The following SP7 variants were observed in gnomAD, a reference collection of about 807,000 sequenced individuals.
The protein encoded by SP7 is Sp7 transcription factor.
Under a neutral mutation model 27.9 loss-of-function variants are expected in SP7, and 13 were observed. The ratio of observed to expected loss-of-function variants is 0.47; its 90% CI spans 0.30 to 0.74. The LOEUF (loss-of-function observed/expected upper bound fraction) is 0.74. Ranked by LOEUF, SP7 falls within the 30% of genes least tolerant of loss-of-function variation. The pLI, the probability that SP7 is intolerant of heterozygous loss-of-function variation, is 0.06. For missense variants in SP7, 525 were observed against 558.0 expected, an observed-to-expected ratio of 0.94 and a Z score of 0.60; for synonymous variants, 219 against 226.7, an observed-to-expected ratio of 0.97 and a Z score of 0.31.
intron 2 of SP7, among the ~76,000 whole-genome samples, chr12:53,329,894 G>A (rs1375428706): frequency 6.6e-6 from 1 of 151,770 alleles, no homozygotes; most frequent in Non-Finnish European, 1.5e-5. Context: ...ACCACACCTG[G>A]CTAATTTTTT....
intron 1 of SP7, among the ~76,000 whole-genome samples, chr12:53,341,528 C>A (rs1291684230): frequency 6.6e-6 from 1 of 152,132 alleles, no homozygotes; most frequent in Non-Finnish European, 1.5e-5. Context: ...AAAAACGATA[C>A]CCTAGAATCT....
intron 2 of SP7, 41 bp downstream of exon 2, chr12:53,335,585 A>C: frequency 9.8e-7 from 1 of 1,016,150 alleles, no homozygotes; most frequent in Non-Finnish European, 1.5e-6. Context: ...AGGACCATTA[A>C]GGTTGTGGCT....
chr12:53,335,853 G>C (rs1000254718), intron 1 of SP7, 160 bp from the exon 2 acceptor site: 12 of 1,405,176 alleles, frequency 8.5e-6, no homozygotes, highest in Admixed American at 2.9e-5. Flanking sequence ...AGCGGAGAAG[G>C]CTCCAGATCC....
At chr12:53,335,893 G>T in intron 1 of SP7, 200 bp from the exon 2 acceptor site, 1 of 1,258,104 alleles carries the variant, frequency 7.9e-7, no homozygotes, top group South Asian at 2.0e-5. Flanking sequence ...GGAGGCAGAG[G>T]GTCCAAATTT....
rs1944848895 is a variant in SP7, at chr12:53,344,718, C to T, written c.-34+396G>A. Among the ~76,000 whole-genome samples, 1 of 152,108 alleles carries T rather than the reference C, an allele frequency of 6.6e-6. No individual in the cohort carries two copies. Among genetic ancestry groups the T allele is most frequent in the Admixed American group, 6.5e-5 (1 of 15,282 alleles). ...GAAGGACAGGACAGGTCGTGAGCTCCGGGGCTGCTGGGAGGTCTCTTGCGG... is the reference window on the plus strand; with the variant it reads ...GAAGGACAGGACAGGTCGTGAGCTCTGGGGCTGCTGGGAGGTCTCTTGCGG... On this transcript the variant is annotated intron_variant, in intron 1 of 1. Coordinates refer to the SP7 transcript ENST00000547755. This position sits in a 1 kb window ranked among gnomAD's most constrained non-coding sequence, Gnocchi z 4.6.
rs4759061 is a variant in SP7, at chr12:53,344,430, C to T, written c.-34+684G>A. On this transcript the variant is annotated intron_variant, in intron 1 of 1. Transcript: ENST00000547755. This position sits in a 1 kb window ranked among gnomAD's most constrained non-coding sequence, Gnocchi z 4.6. ...CCATCACCTCCCCTACATAGGAACC[C>T]GCTGTAAGTTATAAGCCTACCTAGG... Among the ~76,000 whole-genome samples, 29,264 of 151,942 alleles carry T rather than the reference C, an allele frequency of 0.19. 3,788 individuals carry two copies. Among genetic ancestry groups the T allele is most frequent in the Non-Finnish European group, 0.29 (19,376 of 67,924 alleles).
intron 2 of SP7, among the ~76,000 whole-genome samples, chr12:53,329,841 C>A (rs554400706): frequency 6.6e-6 from 1 of 152,100 alleles, no homozygotes; most frequent in South Asian, 2.1e-4. Flanking sequence ...AAGAGATTCC[C>A]CTGCCTCAGC....
Position 53,328,916 on chromosome 12 carries a change from C to T in SP7, c.526G>A (p.Asp176Asn), listed in dbSNP as rs1944668590. The change falls in exon 3 of 3, where the codon GAT becomes AAT. Residue 176 changes from aspartate (D) to asparagine (N), a missense_variant. Physicochemically the swap from Asp to Asn is conservative, Grantham distance 23. Transcript: ENST00000536324. This position sits in a 1 kb window ranked among gnomAD's most constrained non-coding sequence, Gnocchi z 5.1. ...GTGGGCAGTGTCCCTTGCAGCCCATCACCCTGGCCCTGCCCACCACCTAGC... is the reference window on the plus strand; with the variant it reads ...GTGGGCAGTGTCCCTTGCAGCCCATTACCCTGGCCCTGCCCACCACCTAGC... ...NWLGGGQGQG[D>N]GLQGTLPTGP... The T allele has an allele frequency of 6.2e-7, 1 of 1,611,880 alleles. No individual in the cohort carries two copies. Among genetic ancestry groups the T allele is most frequent in the Non-Finnish European group, 8.5e-7 (1 of 1,178,954 alleles).
chr12:53,342,304 C>T (rs1434261571), intron 1 of SP7, among the ~76,000 whole-genome samples: 1 of 151,978 alleles, frequency 6.6e-6, no homozygotes, highest in Non-Finnish European at 1.5e-5. Flanking sequence ...CCCGCTTTCT[C>T]TGGCCTGCTG....
chr12:53,327,975 G>C lies in SP7; in HGVS notation c.*171C>G. The stretch of plus-strand genomic sequence containing the variant: ...TCATGGTGAAGAGAGAAGGTGAGCT[G>C]AGGAGGCATGCAAGGAGATACCCAA... On this transcript the variant is annotated 3_prime_UTR_variant, in exon 3 of 3. Coordinates refer to ENST00000536324, the MANE Select transcript of SP7 (RefSeq NM_001173467.3). 6.4e-6 allele frequency: 4 copies of C among 627,294 alleles called. No individual in the cohort carries two copies. Among genetic ancestry groups the C allele is most frequent in the Non-Finnish European group, 1.1e-5 (4 of 370,144 alleles). 38.9% of individuals were successfully genotyped at this position (627,294 alleles called of 1,614,324 possible).
chr12:53,328,321 C>G lies in SP7; in HGVS notation c.1121G>C (p.Arg374Pro). The G allele has an allele frequency of 6.2e-7, 1 of 1,610,908 alleles. No homozygotes were observed. The highest frequency in any genetic ancestry group is 8.5e-7 in the Non-Finnish European group (1 of 1,177,984). ...ACCCGGGCCTGGTTCTCCATGGGTGCGCTGGTGTTTGCTCAGGTGGTCGCT... is the reference window on the plus strand; with the variant it reads ...ACCCGGGCCTGGTTCTCCATGGGTGGGCTGGTGTTTGCTCAGGTGGTCGCT... ...TRSDHLSKHQ[R>P]THGEPGPGPP... is the part of the protein sequence containing the mutation. The change falls in exon 3 of 3, where the codon CGC (arginine) becomes CCC (proline). Residue 374 changes from arginine to proline, a missense_variant. Transcript: ENST00000536324. This position sits in a 1 kb window ranked among gnomAD's most constrained non-coding sequence, Gnocchi z 5.1.
At chr12:53,338,680 C>A (rs1474316660), upstream of SP7, among the ~76,000 whole-genome samples, 1 of 152,062 alleles carries the variant, frequency 6.6e-6, no homozygotes, top group Non-Finnish European at 1.5e-5. Flanking sequence ...CTATTCGAAC[C>A]CTACTATTCT....
chr12:53,339,744 AG>A (rs1944806396), upstream of SP7, among the ~76,000 whole-genome samples: 1 of 147,930 alleles, frequency 6.8e-6, no homozygotes, highest in Non-Finnish European at 1.5e-5. Context: ...AAAAAAAGAA[AG>A]AAAAAAAAAA....
intron 1 of SP7, 160 bp from the exon 2 acceptor site, chr12:53,335,853 G>T (rs1000254718): frequency 4.4e-5 from 62 of 1,405,174 alleles, no homozygotes; most frequent in East Asian, 2.0e-4. Context: ...AGCGGAGAAG[G>T]CTCCAGATCC....
intron 2 of SP7, among the ~76,000 whole-genome samples, chr12:53,335,294 G>A (rs1355437907): frequency 2.7e-5 from 2 of 75,306 alleles, no homozygotes; most frequent in African/African-American, 1.1e-4. Flanking sequence ...ACTCCCCCTC[G>A]CCCCCCTCCC....
chr12:53,330,343 G>A (rs145539675), intron 2 of SP7, among the ~76,000 whole-genome samples: 200 of 152,210 alleles, frequency 1.3e-3, no homozygotes, highest in African/African-American at 4.6e-3. Context: ...GTGAGCCACC[G>A]CACCCAGCCA....
rs774769884 is a variant in SP7, at chr12:53,328,269, C to T, written c.1173G>A (p.Leu391=). The T allele has an allele frequency of 6.2e-7, 1 of 1,611,568 alleles. No homozygotes were observed. The highest frequency in any genetic ancestry group is 1.7e-5 in the Admixed American group (1 of 59,760). Residue 391 remains leucine (L), a synonymous_variant, in exon 3 of 3, where the codon CTG becomes CTA. Coordinates refer to ENST00000536324, the MANE Select transcript of SP7 (RefSeq NM_001173467.3). This position sits in a 1 kb window ranked among gnomAD's most constrained non-coding sequence, Gnocchi z 5.1. ...PGPPPSGPKE[L]GEGRSTGEEE... ...CTTCCCCCGTGCTGCGGCCCTCCCC[C>T]AGCTCCTTGGGGCCACTGGGAGGGG...
rs1484634206 is a variant in SP7 at position 53,328,039 on chromosome 12, C to T, written c.*107G>A. 1 of 1,211,482 alleles carries T rather than the reference C, an allele frequency of 8.3e-7. No individual in the cohort carries two copies. Among genetic ancestry groups the T allele is most frequent in the Non-Finnish European group, 1.1e-6 (1 of 889,418 alleles). The allele number at this position is 1,211,482 out of a possible 1,614,324, so 75.0% of individuals were successfully genotyped here. ...AGGAGGGAGACAGAGGGAGAGAGCC[C>T]CGAAGGATGGCATGCATGGGGTAAA... On this transcript the variant is annotated 3_prime_UTR_variant, in exon 3 of 3. Transcript: ENST00000536324. This position sits in a 1 kb window ranked among gnomAD's most constrained non-coding sequence, Gnocchi z 5.1.
chr12:53,329,379 C>T lies in SP7; in HGVS notation c.63G>A (p.Thr21=), dbSNP rs542641721. The T allele has an allele frequency of 2.9e-5, 47 of 1,613,966 alleles. No individual in the cohort carries two copies. Among genetic ancestry groups the T allele is most frequent in the South Asian group, 5.5e-5 (5 of 91,070 alleles). Residue 21 remains threonine, a synonymous_variant, in exon 3 of 3, where the codon ACG becomes ACA. Coordinates refer to ENST00000536324, the MANE Select transcript of SP7 (RefSeq NM_001173467.3). ...HYGSSPLAML[T]AACSKFGGSS... is the part of the protein sequence containing the mutation. ...AGCCACCAAATTTGCTGCACGCTGC[C>T]GTCAGCATGGCCAGGGGACTGGAGC...
Sources: allele counts gnomAD v4.1 joint callset (sites outside exome capture counted in the v4.1 genomes callset), GRCh38; gene constraint gnomAD v4.1.1; non-coding constraint Gnocchi (gnomAD v3.1); transcripts MANE v1.5; gene names NCBI Gene and HGNC (gene_info 2026-07-23, HGNC 2026-07-21).